Variants in CYFIP2 observed in about 807,000 individuals in gnomAD.
CYFIP2 encodes cytoplasmic FMR1-interacting protein 2.
CYFIP2 carries 29 observed loss-of-function variants against 158.7 expected under a neutral mutation model. The ratio of observed to expected loss-of-function variants is 0.18; its 90% CI spans 0.14 to 0.25. The LOEUF is 0.25. Ranked by LOEUF, CYFIP2 falls within the 10% of genes least tolerant of loss-of-function variation. The probability of loss-of-function intolerance (pLI) is 1.00; values close to 1 mark genes in which losing one functional copy is unlikely to be tolerated. For missense variants in CYFIP2, 852 were observed against 1,639.5 expected (o/e 0.52, Z 8.29); for synonymous variants, 585 against 617.6 (o/e 0.95, Z 0.78).
rs1767648003 is a variant in CYFIP2 at position 157,395,246 on chromosome 5, T to C, written c.*2246T>C. 3.7e-6 allele frequency: 1 copy of C among 269,894 alleles called. No individual in the cohort carries two copies. The highest frequency in any genetic ancestry group is 3.8e-5 in the South Asian group (1 of 26,578). 16.7% of individuals were successfully genotyped at this position (269,894 alleles called of 1,614,324 possible). On this transcript the variant is annotated 3_prime_UTR_variant, in exon 31 of 31. Coordinates refer to ENST00000620254, the MANE Select transcript of CYFIP2 (RefSeq NM_001037333.3). ...CGAACACCCAATGAGTTTAATATTC[T>C]TTCCTCCTTGGCATTACTGCCCCAG...
At chr5:157,304,553 G>A (rs1490392178) in intron 8 of CYFIP2, 187 bp downstream of exon 8, 52 of 571,906 alleles carry the variant, frequency 9.1e-5, no homozygotes, top group Admixed American at 3.1e-4. Flanking sequence ...CTTTCCAGAT[G>A]TCATTAAGGC....
chr5:157,314,120 A>G lies in CYFIP2; in HGVS notation c.1111-224A>G, dbSNP rs1759950526. Among the ~76,000 whole-genome samples, 4 of 152,220 alleles carry G rather than the reference A, an allele frequency of 2.6e-5. No individual in the cohort carries two copies. In the South Asian group the frequency reaches 8.3e-4, roughly 31 times the overall value. On this transcript the variant is annotated intron_variant, in intron 11 of 30. Transcript: ENST00000620254. ...ATAAATTTAATATCTCTATGTAGGT[A>G]TATGTTCCTGAGTTACTATATCGTG...
chr5:157,363,593 G>A (rs955591725), intron 26 of CYFIP2: 3 of 152,440 alleles, frequency 2.0e-5, no homozygotes, highest in African/African-American at 7.2e-5. Context: ...TGGTGCCAAG[G>A]GGACAGAGGT....
chr5:157,290,579 A>G (rs1332533318), intron 3 of CYFIP2, among the ~76,000 whole-genome samples: 1 of 152,216 alleles, frequency 6.6e-6, no homozygotes, highest in Non-Finnish European at 1.5e-5. Flanking sequence ...CATGTGAAGG[A>G]ACATATTCAC....
Position 157,304,377 on chromosome 5 carries a change from CCT to C in CYFIP2, c.795+12_795+13del, listed in dbSNP as rs2113900143. The C allele has an allele frequency of 6.2e-7, 1 of 1,611,978 alleles. No homozygotes were observed. The highest frequency in any genetic ancestry group is 1.3e-5 in the African/African-American group (1 of 74,936). ...CATATGCTCCTCAAGGTAAAACTCC[CCT>C]GAGGCCGCACCCATGGAGCCTGGGC... On this transcript the variant is annotated intron_variant, in intron 8 of 30. Transcript: ENST00000620254.
chr5:157,382,414 C>A (rs1460377698), intron 26 of CYFIP2, among the ~76,000 whole-genome samples, 176 bp from the exon 27 acceptor site: 4 of 152,116 alleles, frequency 2.6e-5, no homozygotes, highest in African/African-American at 9.7e-5. Context: ...CCTTATTTTG[C>A]AGATAGATAA....
At chr5:157,374,236 C>A (rs1302576555) in intron 26 of CYFIP2, among the ~76,000 whole-genome samples, 2 of 152,270 alleles carry the variant, frequency 1.3e-5, no homozygotes, top group East Asian at 3.9e-4. Context: ...TATGAGGTGA[C>A]CCCAGGGCCA....
intron 23 of CYFIP2, among the ~76,000 whole-genome samples, chr5:157,345,912 A>G (rs1381371474): frequency 6.6e-6 from 1 of 152,100 alleles, no homozygotes; most frequent in African/African-American, 2.4e-5. Context: ...GCTGATTATT[A>G]TTTTCTTGTC....
rs1759980803 is a variant in CYFIP2 at position 157,314,482 on chromosome 5, A to C, written c.1230+19A>C. 1 of 1,611,820 alleles carries C rather than the reference A, an allele frequency of 6.2e-7. No homozygotes were observed. Among genetic ancestry groups the C allele is most frequent in the Non-Finnish European group, 8.5e-7 (1 of 1,178,652 alleles). On this transcript the variant is annotated intron_variant, in intron 12 of 30. Transcript: ENST00000620254. ...GGAGGTGGTAGGTGTCTCTGGGTAG[A>C]GGGCCTCACACTGACCTCTCTTTCC...
intron 1 of CYFIP2, among the ~76,000 whole-genome samples, chr5:157,284,884 G>C (rs78769796): frequency 6.6e-6 from 1 of 152,300 alleles, no homozygotes; most frequent in African/African-American, 2.4e-5. Context: ...TGGCTGTCAC[G>C]ATCCTGGATA....
chr5:157,327,652 G>A (rs141443645), intron 18 of CYFIP2, among the ~76,000 whole-genome samples: 108 of 152,200 alleles, frequency 7.1e-4, no homozygotes, highest in Middle Eastern at 3.4e-3. Context: ...CCGAGTTAGC[G>A]GACGAATTTG....
At chr5:157,309,696 C>A in intron 9 of CYFIP2, 47 bp from the exon 10 acceptor site, 1 of 1,548,506 alleles carries the variant, frequency 6.5e-7, no homozygotes, top group Non-Finnish European at 8.8e-7. Context: ...GGCAGCCACC[C>A]CAACCCCTCC....
At chr5:157,314,892 C>A in intron 12 of CYFIP2, 77 bp from the exon 13 acceptor site, 1 of 1,144,792 alleles carries the variant, frequency 8.7e-7, no homozygotes, top group Non-Finnish European at 1.3e-6. Flanking sequence ...GAATAATATT[C>A]CATTGCATGG....
At chr5:157,334,366 C>A (rs573454851) in intron 21 of CYFIP2, among the ~76,000 whole-genome samples, 1 of 152,038 alleles carries the variant, frequency 6.6e-6, no homozygotes, top group East Asian at 1.9e-4. Flanking sequence ...TACGTAATGC[C>A]GCAGTACACC....
chr5:157,292,064 C>T (rs1757861328), intron 3 of CYFIP2, among the ~76,000 whole-genome samples: 1 of 152,238 alleles, frequency 6.6e-6, no homozygotes, highest in Middle Eastern at 3.4e-3. Context: ...CCTCTCACCC[C>T]ACCACCTCCT....
chr5:157,340,945 A>T, intron 22 of CYFIP2, 125 bp from the exon 23 acceptor site: 1 of 812,812 alleles, frequency 1.2e-6, no homozygotes, highest in Non-Finnish European at 2.1e-6. Flanking sequence ...TCAACCACCT[A>T]ACAAACAGTG....
At chr5:157,355,309 G>A (rs1763340961) in intron 23 of CYFIP2, among the ~76,000 whole-genome samples, 1 of 152,102 alleles carries the variant, frequency 6.6e-6, no homozygotes, top group Admixed American at 6.6e-5. Flanking sequence ...AAGCTGCTGG[G>A]GGAAATTCGA....
chr5:157,319,543 G>GT (rs1402922737), intron 13 of CYFIP2, among the ~76,000 whole-genome samples: 1 of 152,242 alleles, frequency 6.6e-6, no homozygotes. Context: ...TGACATTTGT[G>GT]TTTTGTAGCA....
At position 157,394,478 on chromosome 5, in the gene CYFIP2, C is replaced by T. The variant is rs1221460047; in HGVS notation, c.*1478C>T. 1.3e-5 allele frequency: 2 copies of T among 152,198 alleles called. No homozygotes were observed. The highest frequency in any genetic ancestry group is 4.8e-5 in the African/African-American group (2 of 41,454). 9.4% of individuals were successfully genotyped at this position (152,198 alleles called of 1,614,324 possible). On this transcript the variant is annotated 3_prime_UTR_variant, in exon 31 of 31. Coordinates refer to ENST00000620254, the MANE Select transcript of CYFIP2 (RefSeq NM_001037333.3). ...GAGGTTTGTGTGATGCACTTATGTCCTCCGGTGAGGAAAGGGGGCCACATA... is the reference window on the plus strand; with the variant it reads ...GAGGTTTGTGTGATGCACTTATGTCTTCCGGTGAGGAAAGGGGGCCACATA...
Sources: gnomAD v4.1 joint callset for allele counts (sites outside exome capture counted in the v4.1 genomes callset) on GRCh38, gnomAD v4.1.1 for gene constraint, MANE v1.5 for transcripts, NCBI Gene and HGNC (gene_info 2026-07-23, HGNC 2026-07-21) for gene names.